Variants in KSR2 observed in about 807,000 individuals in gnomAD.
KSR2 encodes kinase suppressor of ras 2.
KSR2 carries 25 observed loss-of-function variants against 107.8 expected under a neutral mutation model. The ratio of observed to expected loss-of-function variants is 0.23; its 90% CI spans 0.17 to 0.32. KSR2 has a LOEUF of 0.32. Ranked by LOEUF, KSR2 falls within the 10% of genes least tolerant of loss-of-function variation. KSR2 has a pLI of 1.00. For missense variants in KSR2, 887 were observed against 1,268.9 expected (o/e 0.70, Z 4.57); for synonymous variants, 480 against 507.0 (o/e 0.95, Z 0.71).
At chr12:117,717,086 A>T (rs921262863) in intron 4 of KSR2, among the ~76,000 whole-genome samples, 4 of 152,222 alleles carry the variant, frequency 2.6e-5, no homozygotes, top group African/African-American at 9.6e-5. Flanking sequence ...CAGACTCCTG[A>T]AGTTCACCAA....
At position 117,518,210 on chromosome 12, in the gene KSR2, C is replaced by A. The variant is rs76951307; in HGVS notation, c.2219+6642G>T. Among the ~76,000 whole-genome samples the A allele has an allele frequency of 1.0e-3, 157 of 152,246 alleles. 3 individuals carry two copies. The East Asian group carries it at 0.029, about 28-fold the overall frequency. ...TGCCTCTCAGACTCTGGGAACCCAGCGAGGGGATTGGTGACATGCGCCAAA... is the reference window on the plus strand; with the variant it reads ...TGCCTCTCAGACTCTGGGAACCCAGAGAGGGGATTGGTGACATGCGCCAAA... On this transcript the variant is annotated intron_variant, in intron 14 of 19. Coordinates refer to ENST00000339824, the MANE Select transcript of KSR2 (RefSeq NM_173598.6).
chr12:117,706,774 GAAA>G (rs1886546515), intron 4 of KSR2, among the ~76,000 whole-genome samples: 1 of 151,650 alleles, frequency 6.6e-6, no homozygotes, highest in Non-Finnish European at 1.5e-5. Flanking sequence ...AACCTGTTAA[GAAA>G]TAAATAAATA....
intron 4 of KSR2, among the ~76,000 whole-genome samples, chr12:117,738,774 C>T (rs1888047534): frequency 6.6e-6 from 1 of 152,164 alleles, no homozygotes; most frequent in South Asian, 2.1e-4. Flanking sequence ...ACTCAGGAGG[C>T]TGAAGCAGGA....
At chr12:117,548,739 G>T (rs2137312726) in intron 9 of KSR2, among the ~76,000 whole-genome samples, 1 of 152,248 alleles carries the variant, frequency 6.6e-6, no homozygotes, top group South Asian at 2.1e-4. Flanking sequence ...AACTAATATT[G>T]TTAGTTCATT....
At chr12:117,769,397 G>C (rs1250730815) in intron 3 of KSR2, among the ~76,000 whole-genome samples, 2 of 152,138 alleles carry the variant, frequency 1.3e-5, no homozygotes, top group Non-Finnish European at 2.9e-5. Flanking sequence ...AACTCCCCCA[G>C]AAAGGAAGAT....
At chr12:117,869,332 A>G (rs777640616) in intron 1 of KSR2, among the ~76,000 whole-genome samples, 3 of 152,110 alleles carry the variant, frequency 2.0e-5, no homozygotes, top group Non-Finnish European at 4.4e-5. Context: ...AGATCACGCC[A>G]CTGCACTCCA....
chr12:117,885,619 TATTATATGTA>T (rs1894151032), intron 1 of KSR2, among the ~76,000 whole-genome samples: 1 of 150,868 alleles, frequency 6.6e-6, no homozygotes, highest in Non-Finnish European at 1.5e-5. Flanking sequence ...TATATATGTG[TATTATATGTA>T]ATTATATGTA....
At chr12:117,721,523 C>A (rs1041570824) in intron 4 of KSR2, among the ~76,000 whole-genome samples, 4 of 152,186 alleles carry the variant, frequency 2.6e-5, no homozygotes, top group Admixed American at 2.0e-4. Flanking sequence ...ATTCTACTTT[C>A]TAAAAAGAGC....
chr12:117,543,906 G>A (rs1057243395), intron 9 of KSR2, among the ~76,000 whole-genome samples: 5 of 152,158 alleles, frequency 3.3e-5, no homozygotes, highest in African/African-American at 1.2e-4. Flanking sequence ...GATTGCAGTT[G>A]CATCACTCTA....
chr12:117,647,967 C>T (rs1883726188), intron 5 of KSR2, among the ~76,000 whole-genome samples: 1 of 152,058 alleles, frequency 6.6e-6, no homozygotes. Flanking sequence ...CTTTGGCCTC[C>T]CGAAGTGCTG....
At chr12:117,739,906 C>T (rs1226608336) in intron 4 of KSR2, among the ~76,000 whole-genome samples, 5 of 151,204 alleles carry the variant, frequency 3.3e-5, no homozygotes, top group East Asian at 3.9e-4. Context: ...TTTTTTCACT[C>T]TTAGAAAAGC....
intron 17 of KSR2, among the ~76,000 whole-genome samples, chr12:117,475,203 T>A (rs1213249016): frequency 6.6e-6 from 1 of 152,144 alleles, no homozygotes; most frequent in Non-Finnish European, 1.5e-5. Context: ...TCACTCCCCC[T>A]TCCCCCAGAG....
rs992422113 is a variant in KSR2 at position 117,907,834 on chromosome 12, T to A, written c.181-47403A>T. 2.0e-5 allele frequency among the ~76,000 whole-genome samples: 3 copies of A among 152,108 alleles called. No homozygotes were observed. The highest frequency in any genetic ancestry group is 7.2e-5 in the African/African-American group (3 of 41,416). On this transcript the variant is annotated intron_variant, in intron 1 of 19. Coordinates refer to ENST00000339824, the MANE Select transcript of KSR2 (RefSeq NM_173598.6). This position sits in a 1 kb window ranked among gnomAD's most constrained non-coding sequence, Gnocchi z 4.3. ...TATAATATGAGCTTCATAATCATCT[T>A]TTCACTGCCCCTCTTTGAGAGCTGC...
intron 4 of KSR2, among the ~76,000 whole-genome samples, chr12:117,695,883 G>T (rs756816754): frequency 1.2e-4 from 19 of 152,324 alleles, no homozygotes; most frequent in Middle Eastern, 3.4e-3. Flanking sequence ...AGGCCAAAGA[G>T]AGGGTCACCA....
intron 3 of KSR2, among the ~76,000 whole-genome samples, chr12:117,820,636 C>CCACCCAACAT (rs1258002182): frequency 1.3e-5 from 2 of 152,108 alleles, no homozygotes; most frequent in African/African-American, 2.4e-5. Flanking sequence ...CGACCCAACA[C>CCACCCAACAT]CACCCAACAT....
At chr12:117,716,864 G>A (rs1306329964) in intron 4 of KSR2, among the ~76,000 whole-genome samples, 1 of 152,162 alleles carries the variant, frequency 6.6e-6, no homozygotes, top group Non-Finnish European at 1.5e-5. Flanking sequence ...CTATACAAAT[G>A]CAAGCTCTTC....
At chr12:117,558,631 G>GTGGGTGGGTGGATGAATGGA in intron 7 of KSR2, 58 bp from the exon 8 acceptor site, 1 of 1,318,170 alleles carries the variant, frequency 7.6e-7, no homozygotes, top group Non-Finnish European at 1.1e-6. Context: ...GAGCGGGTAG[G>GTGGGTGGGTGGATGAATGGA]TGGGTGGGTG....
intron 9 of KSR2, among the ~76,000 whole-genome samples, chr12:117,542,852 T>C (rs564730867): frequency 1.1e-3 from 172 of 152,374 alleles, no homozygotes; most frequent in African/African-American, 3.8e-3. Context: ...TCATACAGTA[T>C]GTAACCTTTT....
intron 14 of KSR2, among the ~76,000 whole-genome samples, chr12:117,500,527 T>C (rs986569103): frequency 2.0e-5 from 3 of 152,180 alleles, no homozygotes; most frequent in Non-Finnish European, 4.4e-5. Flanking sequence ...GCCAAGGTCA[T>C]GTAGCTAAGA....
Sources: allele counts gnomAD v4.1 joint callset (sites outside exome capture counted in the v4.1 genomes callset), GRCh38; gene constraint gnomAD v4.1.1; non-coding constraint Gnocchi (gnomAD v3.1); transcripts MANE v1.5; gene names NCBI Gene and HGNC (gene_info 2026-07-23, HGNC 2026-07-21).